UBE2D3: variants seen among roughly 807,000 people sequenced by gnomAD.
The protein encoded by UBE2D3 is ubiquitin-conjugating enzyme E2 D3.
A neutral mutation model predicts 22.8 loss-of-function variants in UBE2D3; 2 were observed. The ratio of observed to expected loss-of-function variants is 0.09; its 90% CI spans 0.04 to 0.28. UBE2D3 has a LOEUF of 0.28. UBE2D3 is among the 10% of genes least tolerant of loss of function. The pLI, the probability that UBE2D3 is intolerant of heterozygous loss-of-function variation, is 1.00. For synonymous variants in UBE2D3, 56 were observed against 60.4 expected (o/e 0.93, Z 0.34); for missense variants, 27 against 182.5 (o/e 0.15, Z 4.91).
At chr4:102,801,708 C>A in intron 5 of UBE2D3, 149 bp from the exon 6 acceptor site, 1 of 614,290 alleles carries the variant, frequency 1.6e-6, no homozygotes, top group Non-Finnish European at 2.7e-6. Flanking sequence ...ACAATCTGAC[C>A]ACAACCCCCT....
intron 2 of UBE2D3, among the ~76,000 whole-genome samples, chr4:102,824,404 A>T (rs1442642735): frequency 1.3e-5 from 2 of 152,248 alleles, no homozygotes; most frequent in Non-Finnish European, 2.9e-5. Flanking sequence ...TTAATCGTCA[A>T]AACAAATCTA....
At chr4:102,826,980 G>A (rs2110337310) in intron 1 of UBE2D3, 9 of 998,188 alleles carry the variant, frequency 9.0e-6, no homozygotes, top group South Asian at 4.3e-5. Flanking sequence ...GGCAAAGAAA[G>A]GCAAGGGGGG....
At chr4:102,855,287 TAGG>T (rs1732568156) in intron 1 of UBE2D3, among the ~76,000 whole-genome samples, 1 of 152,170 alleles carries the variant, frequency 6.6e-6, no homozygotes, top group South Asian at 2.1e-4. Context: ...TAGATAACAC[TAGG>T]AGAACATGGC....
At chr4:102,827,817 G>A, upstream of UBE2D3, 1 of 986,590 alleles carries the variant, frequency 1.0e-6, no homozygotes, top group Non-Finnish European at 1.2e-6. Flanking sequence ...GTGAACGAGT[G>A]GCGGAAACCC....
rs1461606143 is a variant in UBE2D3 at position 102,795,568 on chromosome 4, G to GT, written c.*1846dup. ...ACTCATTGGAAAAACTGCGTAGCTG[G>GT]TTTTTTCCCCAATGAAATGATTACA... On this transcript the variant is annotated 3_prime_UTR_variant, in exon 8 of 8. Coordinates refer to ENST00000453744, the MANE Select transcript of UBE2D3 (RefSeq NM_181891.3). 1.3e-5 allele frequency: 2 copies of GT among 152,034 alleles called. No individual in the cohort carries two copies. The highest frequency in any genetic ancestry group is 2.4e-5 in the African/African-American group (1 of 41,428). 9.4% of individuals were successfully genotyped at this position (152,034 alleles called of 1,614,324 possible). A position where few individuals can be genotyped will look rare whatever the true frequency, so the allele number is the denominator to read the frequency against.
At chr4:102,824,939 C>A in intron 2 of UBE2D3, among the ~76,000 whole-genome samples, 1 of 152,168 alleles carries the variant, frequency 6.6e-6, no homozygotes, top group South Asian at 2.1e-4. Context: ...TCCTAAAAAG[C>A]GTTTCTTCCT....
chr4:102,848,468 A>C (rs1398142534), intron 1 of UBE2D3, among the ~76,000 whole-genome samples: 1 of 152,104 alleles, frequency 6.6e-6, no homozygotes, highest in East Asian at 1.9e-4. Flanking sequence ...AACGTGGTGA[A>C]ACTCTATCTC....
chr4:102,838,807 C>CAAA (rs145975514), intron 1 of UBE2D3, among the ~76,000 whole-genome samples: 53 of 54,024 alleles, frequency 9.8e-4, no homozygotes, highest in African/African-American at 1.4e-3. Flanking sequence ...CTGTGCTGGG[C>CAAA]AAAAAAAAAA....
At chr4:102,867,654 T>C (rs1303359280) in intron 1 of UBE2D3, among the ~76,000 whole-genome samples, 1 of 152,158 alleles carries the variant, frequency 6.6e-6, no homozygotes, top group Non-Finnish European at 1.5e-5. Flanking sequence ...TTAAAATTCG[T>C]TGGGTGTGGC....
At chr4:102,824,286 C>T (rs548269390) in intron 2 of UBE2D3, among the ~76,000 whole-genome samples, 7 of 152,256 alleles carry the variant, frequency 4.6e-5, no homozygotes, top group African/African-American at 1.7e-4. Context: ...AATCAAAGTT[C>T]TTAAACAAAA....
At chr4:102,819,395 T>C (rs950508949) in intron 2 of UBE2D3, among the ~76,000 whole-genome samples, 1 of 152,096 alleles carries the variant, frequency 6.6e-6, no homozygotes, top group African/African-American at 2.4e-5. Flanking sequence ...AAAATATTTA[T>C]TCACAAATAT....
At chr4:102,860,298 C>T (rs1208555416) in intron 1 of UBE2D3, among the ~76,000 whole-genome samples, 1 of 150,968 alleles carries the variant, frequency 6.6e-6, no homozygotes. Flanking sequence ...GGGTCAACTG[C>T]TAGAACTTTA....
chr4:102,797,218 G>A lies in UBE2D3; in HGVS notation c.*197C>T. ...TGTAACTACTTTACAGTTTCTAAAA[G>A]CAGTTATTGTCCAAAGCTGGAAGAA... On this transcript the variant is annotated 3_prime_UTR_variant, in exon 8 of 8. Coordinates refer to ENST00000453744, the MANE Select transcript of UBE2D3 (RefSeq NM_181891.3). 2.2e-6 allele frequency: 1 copy of A among 462,164 alleles called. No individual in the cohort carries two copies. 28.6% of individuals were successfully genotyped at this position (462,164 alleles called of 1,614,324 possible).
upstream of UBE2D3, among the ~76,000 whole-genome samples, chr4:102,830,091 T>C (rs973681510): frequency 6.6e-6 from 1 of 152,236 alleles, no homozygotes; most frequent in African/African-American, 2.4e-5. Flanking sequence ...TAAGTGGACT[T>C]ACATTTCTGC....
chr4:102,827,961 ACT>A (rs1471581185), upstream of UBE2D3: 1 of 985,178 alleles, frequency 1.0e-6, no homozygotes, highest in Non-Finnish European at 1.2e-6. Flanking sequence ...CGAGGAGACG[ACT>A]CTCGCGAGAA....
upstream of UBE2D3, among the ~76,000 whole-genome samples, chr4:102,831,737 C>A (rs537758794): frequency 6.6e-6 from 1 of 152,238 alleles, no homozygotes; most frequent in African/African-American, 2.4e-5. Flanking sequence ...GGTTTACTTA[C>A]AAACACAGGT....
Sources: gnomAD v4.1 joint callset for allele counts (sites outside exome capture counted in the v4.1 genomes callset) on GRCh38, gnomAD v4.1.1 for gene constraint, MANE v1.5 for transcripts, NCBI Gene and HGNC (gene_info 2026-07-23, HGNC 2026-07-21) for gene names.